CCDC171: variants seen among roughly 807,000 people sequenced by gnomAD.
CCDC171 encodes coiled-coil domain containing 171.
A neutral mutation model predicts 168.2 loss-of-function variants in CCDC171; 177 were observed. The ratio of observed to expected loss-of-function variants is 1.05; its 90% CI spans 0.93 to 1.19. The LOEUF (loss-of-function observed/expected upper bound fraction) is 1.19, where lower values mean the gene tolerates loss of function less well. CCDC171 is among the 50% of genes most tolerant of loss of function. The probability of loss-of-function intolerance (pLI) is 0.00; values close to 1 mark genes in which losing one functional copy is unlikely to be tolerated. For missense variants in CCDC171, 1,991 were observed against 1,539.0 expected (o/e 1.29, Z -4.91); for synonymous variants, 687 against 540.8 (o/e 1.27, Z -3.75).
At chr9:15,884,323 T>A (rs1055296092) in intron 24 of CCDC171, among the ~76,000 whole-genome samples, 1 of 152,176 alleles carries the variant, frequency 6.6e-6, no homozygotes, top group African/African-American at 2.4e-5. Context: ...CACTAATAAA[T>A]GTTTTTGAAA....
At chr9:15,963,209 A>G (rs1000317021) in intron 25 of CCDC171, among the ~76,000 whole-genome samples, 1 of 152,182 alleles carries the variant, frequency 6.6e-6, no homozygotes, top group Admixed American at 6.5e-5. Context: ...GAGGGATAGC[A>G]TTAGGAGATA....
chr9:15,686,919 T>G (rs1414745764), intron 10 of CCDC171, among the ~76,000 whole-genome samples: 1 of 152,252 alleles, frequency 6.6e-6, no homozygotes, highest in African/African-American at 2.4e-5. Flanking sequence ...CTTACAGATA[T>G]CTATAGAACA....
chr9:15,779,365 C>G (rs370776512), intron 20 of CCDC171, among the ~76,000 whole-genome samples: 8 of 151,950 alleles, frequency 5.3e-5, no homozygotes, highest in African/African-American at 1.9e-4. Flanking sequence ...GATTTCCTCT[C>G]TTCTTTTTTT....
At chr9:16,094,917 C>A in the CCDC171 span, among the ~76,000 whole-genome samples, 1 of 152,120 alleles carries the variant, frequency 6.6e-6, no homozygotes, top group Non-Finnish European at 1.5e-5. Context: ...GGGCAGATTT[C>A]CCCGTTGCTG....
intron 9 of CCDC171, among the ~76,000 whole-genome samples, chr9:15,671,041 A>G (rs1019442070): frequency 6.6e-6 from 1 of 152,274 alleles, no homozygotes; most frequent in Non-Finnish European, 1.5e-5. Context: ...GCAGTGAGCT[A>G]TGATCATGCC....
the CCDC171 span, among the ~76,000 whole-genome samples, chr9:16,092,554 T>A: frequency 6.6e-6 from 1 of 152,194 alleles, no homozygotes; most frequent in Non-Finnish European, 1.5e-5. Flanking sequence ...ACAGAGGTTC[T>A]TTGCTATATG....
chr9:15,855,275 A>G (rs889493650), intron 23 of CCDC171, among the ~76,000 whole-genome samples: 3 of 151,708 alleles, frequency 2.0e-5, no homozygotes, highest in African/African-American at 7.3e-5. Context: ...TATCTTCTTG[A>G]TGGATTGACT....
intron 24 of CCDC171, among the ~76,000 whole-genome samples, chr9:15,889,376 A>G (rs1416163326): frequency 1.3e-5 from 2 of 152,152 alleles, no homozygotes; most frequent in African/African-American, 4.8e-5. Flanking sequence ...GTTTCCATGC[A>G]TTGTGTCAAT....
chr9:15,828,501 T>C (rs1394361935), intron 21 of CCDC171, among the ~76,000 whole-genome samples: 1 of 152,196 alleles, frequency 6.6e-6, no homozygotes, highest in Non-Finnish European at 1.5e-5. Context: ...ATGTAGGACG[T>C]CCTTAGAAGA....
chr9:16,029,833 C>T (rs1262914020), intron 6 of CCDC171, among the ~76,000 whole-genome samples: 1 of 152,228 alleles, frequency 6.6e-6, no homozygotes, highest in African/African-American at 2.4e-5. Context: ...GTTCAACTAG[C>T]TGGACCATAG....
chr9:15,926,400 T>C (rs958837640), intron 25 of CCDC171, among the ~76,000 whole-genome samples: 1 of 151,650 alleles, frequency 6.6e-6, no homozygotes, highest in African/African-American at 2.4e-5. Flanking sequence ...TTCCAAACCT[T>C]ACCTTCATCG....
intron 4 of CCDC171, among the ~76,000 whole-genome samples, chr9:15,581,140 GACAA>G (rs1278333216): frequency 3.3e-5 from 5 of 152,088 alleles, no homozygotes; most frequent in East Asian, 3.9e-4. Flanking sequence ...ACCAATAACA[GACAA>G]ACAGAGAGCC....
At chr9:15,599,094 C>G (rs568607155) in intron 6 of CCDC171, among the ~76,000 whole-genome samples, 9 of 152,272 alleles carry the variant, frequency 5.9e-5, no homozygotes, top group Non-Finnish European at 1.2e-4. Context: ...GGCCTTGACT[C>G]TTTATCCAAT....
At chr9:15,637,204 C>T (rs1401899934) in intron 7 of CCDC171, among the ~76,000 whole-genome samples, 1 of 151,772 alleles carries the variant, frequency 6.6e-6, no homozygotes, top group East Asian at 1.9e-4. Context: ...TGCACTGAGC[C>T]GAGATTGTGC....
At position 15,971,694 on chromosome 9, in the gene CCDC171, C is replaced by T. The variant is rs1468312617; in HGVS notation, c.3839C>T (p.Pro1280Leu). The T allele has an allele frequency of 1.2e-6, 2 of 1,613,694 alleles. No homozygotes were observed. The highest frequency in any genetic ancestry group is 4.5e-5 in the East Asian group (2 of 44,872). The stretch of plus-strand genomic sequence containing the variant: ...ACAACTGGTATTGGGGATTTCTTAC[C>T]ATTGAAAGCTGAACTTGATACTACT... The part of the protein sequence containing the change: ...ADTTGIGDFL[P>L]LKAELDTTYT... The change falls in exon 26 of 26, where the codon CCA becomes CTA. Residue 1280 changes from proline (P) to leucine (L), a missense_variant. By Grantham distance (98) the Pro-to-Leu change is moderately conservative (BLOSUM62 -3). Coordinates refer to ENST00000380701, the MANE Select transcript of CCDC171 (RefSeq NM_173550.4).
At position 15,621,383 on chromosome 9, in the gene CCDC171, A is replaced by G. The variant is rs948054709; in HGVS notation, c.676-1884A>G. ...TTCATTTGCAATTTTTTGGAAACCA[A>G]AAATTGATGTGACTCACTTTATTGC... On this transcript the variant is annotated intron_variant, in intron 6 of 25. Transcript: ENST00000380701. Among the ~76,000 whole-genome samples the G allele has an allele frequency of 2.6e-5, 4 of 152,358 alleles. 1 individual carries two copies. The highest frequency in any genetic ancestry group is 2.6e-4 in the Admixed American group (4 of 15,300).
chr9:15,697,243 C>A (rs1439152091), intron 11 of CCDC171, among the ~76,000 whole-genome samples: 2 of 152,186 alleles, frequency 1.3e-5, no homozygotes, highest in Non-Finnish European at 2.9e-5. Context: ...GTTGGGTGGG[C>A]CCTCTTTCAT....
At chr9:15,850,984 A>C (rs909344549) in intron 23 of CCDC171, among the ~76,000 whole-genome samples, 8 of 151,998 alleles carry the variant, frequency 5.3e-5, no homozygotes, top group African/African-American at 1.7e-4. Flanking sequence ...GGTTTGTACC[A>C]TTCATTCTAG....
chr9:15,878,831 A>G (rs921965052), intron 24 of CCDC171, among the ~76,000 whole-genome samples: 15 of 152,302 alleles, frequency 9.8e-5, no homozygotes, highest in South Asian at 4.1e-4. Context: ...TTGTGGGAAC[A>G]TGGATAAAGC....
Sources: gnomAD v4.1 joint callset for allele counts (sites outside exome capture counted in the v4.1 genomes callset) on GRCh38, gnomAD v4.1.1 for gene constraint, MANE v1.5 for transcripts, NCBI Gene and HGNC (gene_info 2026-07-23, HGNC 2026-07-21) for gene names.